Variants in IZUMO4 observed in about 807,000 individuals in gnomAD.
The protein encoded by IZUMO4 is IZUMO family member 4, also known as izumo sperm-egg fusion protein 4.
A neutral mutation model predicts 37.1 loss-of-function variants in IZUMO4; 51 were observed. That is an observed-to-expected ratio of 1.38 (90% confidence interval 1.10 to 1.74). The LOEUF is 1.74. IZUMO4 is among the 40% of genes most tolerant of loss of function. The pLI, the probability that IZUMO4 is intolerant of heterozygous loss-of-function variation, is 0.00. For synonymous variants in IZUMO4, 162 were observed against 121.4 expected (o/e 1.33, Z -2.20); for missense variants, 364 against 299.6 (o/e 1.21, Z -1.59).
chr19:2,097,879 T>G, intron 3 of IZUMO4, 50 bp from the exon 4 acceptor site: 1 of 1,609,430 alleles, frequency 6.2e-7, no homozygotes, highest in East Asian at 2.2e-5. Context: ...GAGGCAGGAC[T>G]GGGGACAAGG....
intron 7 of IZUMO4, 48 bp downstream of exon 7, chr19:2,098,498 C>T (rs530429192): frequency 8.1e-6 from 13 of 1,612,978 alleles, no homozygotes; most frequent in African/African-American, 4.0e-5. Context: ...TATGTGAGCA[C>T]CTCGTGGGTG....
Position 2,096,929 on chromosome 19 carries a change from G to A in IZUMO4, c.-17G>A, listed in dbSNP as rs778619418. The A allele has an allele frequency of 3.8e-6, 6 of 1,598,444 alleles. No homozygotes were observed. The East Asian group carries it at 9.0e-5, about 24-fold the overall frequency. On this transcript the variant is annotated 5_prime_UTR_variant, in exon 1 of 10. Transcript: ENST00000395301. ...CGAGCAGCGTCGTTGGTTGGCCGGC[G>A]GCGGGCCGGGACGGGCATGGCCCTG...
chr19:2,098,579 T>A, intron 7 of IZUMO4, 129 bp downstream of exon 7: 1 of 1,602,798 alleles, frequency 6.2e-7, no homozygotes, highest in Non-Finnish European at 8.5e-7. Context: ...AGGTGGAACC[T>A]CAACCCAGCT....
Position 2,097,322 on chromosome 19 carries a change from G to A in IZUMO4, c.288G>A (p.Met96Ile). ...QMMDQLYQGK[M>I]YFPGYFPNEL... is the part of the protein sequence containing the mutation. ...TGGATCAGCTGTACCAGGGGAAGAT[G>A]TACTTCCCCGGTAAGGGGCGCGAAA... The change falls in exon 2 of 10, where the codon ATG becomes ATA. Residue 96 changes from methionine to isoleucine, a missense_variant. Coordinates refer to ENST00000395301, the MANE Select transcript of IZUMO4 (RefSeq NM_001039846.2). 1.2e-6 allele frequency: 2 copies of A among 1,612,488 alleles called. No individual in the cohort carries two copies. Among genetic ancestry groups the A allele is most frequent in the African/African-American group, 1.3e-5 (1 of 75,042 alleles).
chr19:2,097,551 C>T (rs1230699002), intron 3 of IZUMO4, 56 bp downstream of exon 3: 2 of 1,470,292 alleles, frequency 1.4e-6, no homozygotes, highest in South Asian at 1.1e-5. Flanking sequence ...CGGAGACCCA[C>T]GGGGCTTGGC....
chr19:2,099,569 G>C lies in IZUMO4; in HGVS notation c.*224G>C, dbSNP rs904364129. On this transcript the variant is annotated 3_prime_UTR_variant, in exon 10 of 10. Transcript: ENST00000395301. ...CGCAGAGCTGCGGGATGTGATTAAAGTCCCTGATGTTTCTCTTTGCAGAAG... is the reference window on the plus strand; with the variant it reads ...CGCAGAGCTGCGGGATGTGATTAAACTCCCTGATGTTTCTCTTTGCAGAAG... 3.5e-6 allele frequency: 2 copies of C among 571,176 alleles called. No individual in the cohort carries two copies. Among genetic ancestry groups the C allele is most frequent in the Non-Finnish European group, 6.3e-6 (2 of 317,316 alleles). The allele number at this position is 571,176 out of a possible 1,614,324, so 35.4% of individuals were successfully genotyped here.
chr19:2,099,045 A>ACCTT lies in IZUMO4; in HGVS notation c.608+16_608+17insCCTT. 1 of 1,611,710 alleles carries ACCTT rather than the reference A, an allele frequency of 6.2e-7. No individual in the cohort carries two copies. The highest frequency in any genetic ancestry group is 1.1e-5 in the South Asian group (1 of 91,062). On this transcript the variant is annotated intron_variant, in intron 9 of 9. Coordinates refer to ENST00000395301, the MANE Select transcript of IZUMO4 (RefSeq NM_001039846.2). ...CCCCGGCCTTGTGAGTGACCCAGAG[A>ACCTT]AGGGAGGCCTCGGGAGAAGGGGTGC...
At position 2,099,406 on chromosome 19, in the gene IZUMO4, C is replaced by A; in HGVS notation, c.*61C>A. The A allele has an allele frequency of 8.5e-7, 1 of 1,182,020 alleles. No individual in the cohort carries two copies. The allele number at this position is 1,182,020 out of a possible 1,614,324, so 73.2% of individuals were successfully genotyped here. On this transcript the variant is annotated 3_prime_UTR_variant, in exon 10 of 10. Coordinates refer to ENST00000395301, the MANE Select transcript of IZUMO4 (RefSeq NM_001039846.2). The stretch of plus-strand genomic sequence containing the variant: ...GGAGACTCAGCTGGACAGCCCCTGC[C>A]TGTCACTCTGGAGCTGGGCTGCTGC...
In IZUMO4 at chr19:2,098,167, A is replaced by T. The variant is rs778305391; in HGVS notation, c.473+40A>T. ...TCACACCCACCCGTGCCAGGGCCCTACTGTCCCTGGGGTCCCAGGCTCTCC... is the reference window on the plus strand; with the variant it reads ...TCACACCCACCCGTGCCAGGGCCCTTCTGTCCCTGGGGTCCCAGGCTCTCC... On this transcript the variant is annotated intron_variant, in intron 5 of 9. Transcript: ENST00000395301. The T allele has an allele frequency of 3.1e-6, 5 of 1,608,938 alleles. No individual in the cohort carries two copies. The South Asian group carries it at 4.4e-5, about 14-fold the overall frequency.
rs201805693 is a variant in IZUMO4 at position 2,098,125 on chromosome 19, C to T, written c.471C>T (p.Cys157=). 2.1e-4 allele frequency: 334 copies of T among 1,613,496 alleles called. 1 individual carries two copies. Among genetic ancestry groups the T allele is most frequent in the Middle Eastern group, 6.6e-4 (4 of 6,062 alleles). The change falls in exon 5 of 10, where the codon TGC becomes TGT. Residue 157 remains cysteine (C), a splice_region_variant and synonymous_variant. Transcript: ENST00000395301. Reference sequence around the variant, plus strand: ...ACGTCGCCTGCTTTGGCTATAACTGCGAGTAGGGCTCAGGCATCACACCCA... The same window carrying T: ...ACGTCGCCTGCTTTGGCTATAACTGTGAGTAGGGCTCAGGCATCACACCCA... The part of the protein sequence containing the change: ...DSHVACFGYN[C]ESSAQWKSAV...
chr19:2,098,285 A>C lies in IZUMO4; in HGVS notation c.474-2A>C. The C allele has an allele frequency of 6.2e-7, 1 of 1,613,852 alleles. No homozygotes were observed. Among genetic ancestry groups the C allele is most frequent in the Middle Eastern group, 1.7e-4 (1 of 6,052 alleles). On this transcript the variant is annotated splice_acceptor_variant, in intron 5 of 9. Coordinates refer to ENST00000395301, the MANE Select transcript of IZUMO4 (RefSeq NM_001039846.2). LOFTEE classifies it high-confidence loss of function. ...CACCACTTCCAAGCCTGTGTCCCAC[A>C]GGTCCTCGGCGCAGTGGAAGTCAGC...
At position 2,097,005 on chromosome 19, in the gene IZUMO4, C is replaced by T; in HGVS notation, c.60C>T (p.His20=). The T allele has an allele frequency of 6.2e-7, 1 of 1,611,290 alleles. No homozygotes were observed. The highest frequency in any genetic ancestry group is 1.3e-5 in the African/African-American group (1 of 75,066). The change falls in exon 1 of 10, where the codon CAC becomes CAT. Residue 20 remains histidine (H), a synonymous_variant. Transcript: ENST00000395301. ...CGGCGCTGGCCCACGGCTGTCTGCA[C>T]TGCCACAGCAACTTCTCCAAGAAGT... The part of the protein sequence containing the change: ...LTAALAHGCL[H]CHSNFSKKFS...
intron 7 of IZUMO4, 26 bp from the exon 8 acceptor site, chr19:2,098,761 G>A (rs1382749164): frequency 3.1e-6 from 5 of 1,605,068 alleles, no homozygotes; most frequent in Non-Finnish European, 4.2e-6. Context: ...CCATGGAGGG[G>A]CTGACTGCCC....
At position 2,098,469 on chromosome 19, in the gene IZUMO4, C is replaced by CTGGCA; in HGVS notation, c.536+19_536+20insTGGCA. ...GGCACAAGTAAGTCCCCTCCTCAAA[C>CTGGCA]CAACACAGGCAGTGTGTGTATGTGA... On this transcript the variant is annotated intron_variant, in intron 7 of 9. Transcript: ENST00000395301. The CTGGCA allele has an allele frequency of 6.2e-7, 1 of 1,613,846 alleles. No individual in the cohort carries two copies. The highest frequency in any genetic ancestry group is 8.5e-7 in the Non-Finnish European group (1 of 1,180,006).
At chr19:2,099,229 G>T in intron 9 of IZUMO4, 26 bp from the exon 10 acceptor site, 1 of 1,601,168 alleles carries the variant, frequency 6.2e-7, no homozygotes, top group Non-Finnish European at 8.6e-7. Context: ...GACATGGAGA[G>T]CTGAGGCAGC....
In IZUMO4 at chr19:2,098,311, T is replaced by G; in HGVS notation, c.498T>G (p.Ala166=). The change falls in exon 6 of 10, where the codon GCT becomes GCG. Residue 166 remains alanine (A), a synonymous_variant. Coordinates refer to ENST00000395301, the MANE Select transcript of IZUMO4 (RefSeq NM_001039846.2). ...NCESSAQWKS[A]VQGLLNYINN... is the part of the protein sequence containing the mutation. ...GGTCCTCGGCGCAGTGGAAGTCAGC[T>G]GTCCAGGGCCTCCTGAACTACATGT... is the stretch of plus-strand genomic sequence containing the variant. The G allele has an allele frequency of 6.2e-7, 1 of 1,613,968 alleles. No individual in the cohort carries two copies.
In IZUMO4 at chr19:2,098,295, C is replaced by T. The variant is rs143210384; in HGVS notation, c.482C>T (p.Ala161Val). ...ACFGYNCESSAQWKSAVQGLL... is the reference protein window; with the variant it reads ...ACFGYNCESSVQWKSAVQGLL... ...AAGCCTGTGTCCCACAGGTCCTCGG[C>T]GCAGTGGAAGTCAGCTGTCCAGGGC... The change falls in exon 6 of 10, where the codon GCG becomes GTG. Residue 161 changes from alanine to valine, a missense_variant. Ala to Val is a moderately conservative substitution (Grantham distance 64). Transcript: ENST00000395301. 289 of 1,613,856 alleles carry T rather than the reference C, an allele frequency of 1.8e-4. No homozygotes were observed. The highest frequency in any genetic ancestry group is 2.7e-4 in the African/African-American group (20 of 75,040).
Position 2,098,269 on chromosome 19 carries a change from C to T in IZUMO4, c.474-18C>T, listed in dbSNP as rs746507178. 3 of 1,613,682 alleles carry T rather than the reference C, an allele frequency of 1.9e-6. No individual in the cohort carries two copies. Among genetic ancestry groups the T allele is most frequent in the African/African-American group, 2.7e-5 (2 of 75,040 alleles). ...CGTGGGTTCAGGGGCGCACCACTTCCAAGCCTGTGTCCCACAGGTCCTCGG... is the reference window on the plus strand; with the variant it reads ...CGTGGGTTCAGGGGCGCACCACTTCTAAGCCTGTGTCCCACAGGTCCTCGG... On this transcript the variant is annotated intron_variant, in intron 5 of 9. Coordinates refer to ENST00000395301, the MANE Select transcript of IZUMO4 (RefSeq NM_001039846.2).
chr19:2,097,252 C>G lies in IZUMO4; in HGVS notation c.218C>G (p.Thr73Ser). Residue 73 changes from threonine to serine, a missense_variant and splice_region_variant, in exon 2 of 10, where the codon ACC becomes AGC. Transcript: ENST00000395301. ...ACCTGGCTTCTCCTCCTGCCCGCAG[C>G]CCGGGAGAAGCTGGACCAAGTGGCG... is the stretch of plus-strand genomic sequence containing the variant. ...ELHLAIPAKI[T>S]REKLDQVATA... 6.2e-7 allele frequency: 1 copy of G among 1,611,974 alleles called. No individual in the cohort carries two copies. The highest frequency in any genetic ancestry group is 1.7e-4 in the Middle Eastern group (1 of 6,056).
Sources: gnomAD v4.1 joint callset for allele counts on GRCh38, gnomAD v4.1.1 for gene constraint, MANE v1.5 for transcripts, NCBI Gene and HGNC (gene_info 2026-07-23, HGNC 2026-07-21) for gene names.